DNAJB6: variants seen among roughly 807,000 people sequenced by gnomAD.
DNAJB6 encodes dnaJ homolog subfamily B member 6.
Under a neutral mutation model 42.7 loss-of-function variants are expected in DNAJB6, and 16 were observed. The ratio of observed to expected loss-of-function variants is 0.37; its 90% CI spans 0.25 to 0.57. DNAJB6 has a LOEUF of 0.57. DNAJB6 is among the 20% of genes least tolerant of loss of function. The pLI is 0.74. For missense variants in DNAJB6, 347 were observed against 416.8 expected (o/e 0.83, Z 1.46); for synonymous variants, 170 against 163.5 (o/e 1.04, Z -0.30).
At position 157,417,116 on chromosome 7, in the gene DNAJB6, C is replaced by T. The variant is rs552643388; in HGVS notation, c.*1018C>T. The stretch of plus-strand genomic sequence containing the variant: ...ACATGAGGATCTGCCGTTCATGTTG[C>T]TTTCTCCTTTGTCCTCTTGGACTTG... On this transcript the variant is annotated 3_prime_UTR_variant, in exon 10 of 10. Transcript: ENST00000262177. 1 of 152,380 alleles carries T rather than the reference C, an allele frequency of 6.6e-6. No individual in the cohort carries two copies. The highest frequency in any genetic ancestry group is 2.1e-4 in the South Asian group (1 of 4,826). 9.4% of individuals were successfully genotyped at this position (152,380 alleles called of 1,614,324 possible).
chr7:157,383,189 T>C (rs1202064390), intron 6 of DNAJB6, among the ~76,000 whole-genome samples: 1 of 152,152 alleles, frequency 6.6e-6, no homozygotes, highest in Non-Finnish European at 1.5e-5. Flanking sequence ...GTATTTTTAA[T>C]GGAGACAGGG....
chr7:157,366,508 A>G lies in DNAJB6; in HGVS notation c.182A>G (p.Lys61Arg), dbSNP rs1256908358. 2 of 1,613,950 alleles carry G rather than the reference A, an allele frequency of 1.2e-6. No individual in the cohort carries two copies. The highest frequency in any genetic ancestry group is 1.3e-5 in the African/African-American group (1 of 74,936). Residue 61 changes from lysine (K) to arginine (R), a missense_variant, in exon 4 of 10, where the codon AAA (lysine) becomes AGA (arginine). This residue lies in a region of DNAJB6 where 78 missense variants were observed against 102.1 expected (regional missense o/e 0.76). Coordinates refer to ENST00000262177, the MANE Select transcript of DNAJB6 (RefSeq NM_058246.4). The stretch of plus-strand genomic sequence containing the variant: ...CTTTTCTTTCAATTTTTAGCTAAGA[A>G]ACGGGACATCTATGACAAATATGGC... ...EAYEVLSDAK[K>R]RDIYDKYGKE...
chr7:157,398,385 CAAAG>C lies in DNAJB6; in HGVS notation c.692-11405_692-11402del, dbSNP rs201942284. 6.9e-3 allele frequency among the ~76,000 whole-genome samples: 1,050 copies of C among 152,324 alleles called. 13 individuals carry two copies. Among genetic ancestry groups the C allele is most frequent in the African/African-American group, 0.023 (949 of 41,572 alleles). ...ACCCCCCTCTCTCCCCAAAAAAAGT[CAAAG>C]AAAGGAGCAGTCTCCCCAGGGGCCT... On this transcript the variant is annotated intron_variant, in intron 8 of 9. Coordinates refer to ENST00000262177, the MANE Select transcript of DNAJB6 (RefSeq NM_058246.4).
intron 2 of DNAJB6, 74 bp downstream of exon 2, chr7:157,358,711 A>G (rs374641427): frequency 7.0e-5 from 85 of 1,215,418 alleles, no homozygotes; most frequent in African/African-American, 4.8e-4. Context: ...AACTTCTTCT[A>G]TTGCCTATGA....
Position 157,395,684 on chromosome 7 carries a change from C to CTTT in DNAJB6, c.691+10089_691+10091dup, listed in dbSNP as rs869242320. ...ACATTCATTCTACGTTTTTTCTTTT[C>CTTT]TTTTTTTTTTTTTTTTTTGAGACGG... On this transcript the variant is annotated intron_variant, in intron 8 of 9. Transcript: ENST00000262177. Among the ~76,000 whole-genome samples, 286 of 131,858 alleles carry CTTT rather than the reference C, an allele frequency of 2.2e-3. 4 individuals carry two copies. In the East Asian group the frequency reaches 0.048, roughly 22 times the overall value. 86.5% of individuals were successfully genotyped at this position (131,858 alleles called of 152,430 possible). A position where few individuals can be genotyped will look rare whatever the true frequency, so the allele number is the denominator to read the frequency against.
intron 8 of DNAJB6, among the ~76,000 whole-genome samples, chr7:157,393,035 G>A (rs886646883): frequency 1.3e-5 from 2 of 152,156 alleles, no homozygotes; most frequent in African/African-American, 4.8e-5. Context: ...GTGCAGTGGT[G>A]TGATCACGGC....
intron 5 of DNAJB6, among the ~76,000 whole-genome samples, chr7:157,375,884 A>G (rs767849451): frequency 2.0e-5 from 3 of 152,170 alleles, no homozygotes; most frequent in Non-Finnish European, 4.4e-5. Flanking sequence ...AGAGAGTGAC[A>G]TATTTTCCTT....
At chr7:157,394,408 G>A (rs1290720093) in intron 8 of DNAJB6, among the ~76,000 whole-genome samples, 1 of 152,138 alleles carries the variant, frequency 6.6e-6, no homozygotes, top group East Asian at 1.9e-4. Context: ...GCTCACGCCT[G>A]TATTCCAGCA....
intron 8 of DNAJB6, among the ~76,000 whole-genome samples, chr7:157,386,809 G>A (rs528253878): frequency 1.3e-5 from 2 of 152,078 alleles, no homozygotes; most frequent in East Asian, 3.9e-4. Context: ...GCTTGAACCC[G>A]GGAGGTGGAC....
At chr7:157,406,775 G>A (rs1795782017) in intron 8 of DNAJB6, among the ~76,000 whole-genome samples, 1 of 152,270 alleles carries the variant, frequency 6.6e-6, no homozygotes, top group Non-Finnish European at 1.5e-5. Context: ...ACGACACAGG[G>A]AGCTTTGGAC....
At chr7:157,357,535 TC>T (rs1182694385) in intron 1 of DNAJB6, among the ~76,000 whole-genome samples, 1 of 151,774 alleles carries the variant, frequency 6.6e-6, no homozygotes, top group East Asian at 1.9e-4. Context: ...GATCTCGAAC[TC>T]CTGACCTCAA....
intron 5 of DNAJB6, among the ~76,000 whole-genome samples, chr7:157,375,288 C>T (rs1486418952): frequency 6.6e-6 from 1 of 152,184 alleles, no homozygotes; most frequent in African/African-American, 2.4e-5. Context: ...GTGGTTTCTT[C>T]CCTGAGCAAT....
At chr7:157,378,660 T>A (rs576894357) in intron 5 of DNAJB6, 1 of 152,352 alleles carries the variant, frequency 6.6e-6, no homozygotes, top group East Asian at 1.9e-4. Context: ...CTCAGCAACT[T>A]AGTTCCACGT....
At chr7:157,413,783 C>A (rs1344740495) in intron 9 of DNAJB6, 6 of 139,176 alleles carry the variant, frequency 4.3e-5, no homozygotes, top group Admixed American at 4.0e-4. Context: ...AGTGCAGTGG[C>A]GTGATCTCGG....
At chr7:157,353,208 G>C (rs1304525250) in intron 1 of DNAJB6, among the ~76,000 whole-genome samples, 1 of 151,846 alleles carries the variant, frequency 6.6e-6, no homozygotes, top group Non-Finnish European at 1.5e-5. Context: ...GATTACAGGT[G>C]TGAGCTGCCG....
At chr7:157,355,171 T>C (rs954059492) in intron 1 of DNAJB6, among the ~76,000 whole-genome samples, 1 of 152,216 alleles carries the variant, frequency 6.6e-6, no homozygotes, top group African/African-American at 2.4e-5. Flanking sequence ...ATTTATTTAT[T>C]TTGAGATGGA....
chr7:157,364,118 A>T (rs909529273), intron 3 of DNAJB6, among the ~76,000 whole-genome samples: 14 of 150,886 alleles, frequency 9.3e-5, no homozygotes, highest in African/African-American at 3.4e-4. Context: ...TTTTTTTTTT[A>T]AAGAACCCAA....
At chr7:157,385,122 C>A in intron 7 of DNAJB6, 114 bp downstream of exon 7, 1 of 1,114,542 alleles carries the variant, frequency 9.0e-7, no homozygotes. Flanking sequence ...CTAAATCTGG[C>A]GCCATGAAAA....
At chr7:157,397,180 A>G (rs760476919) in intron 8 of DNAJB6, among the ~76,000 whole-genome samples, 10 of 152,198 alleles carry the variant, frequency 6.6e-5, no homozygotes, top group Non-Finnish European at 1.2e-4. Context: ...CCCCTTGAGG[A>G]GTAACCCGAG....
Sources: gnomAD v4.1 joint callset for allele counts (sites outside exome capture counted in the v4.1 genomes callset) on GRCh38, gnomAD v4.1.1 for gene constraint, gnomAD v4.1.1 regional missense constraint, MANE v1.5 for transcripts, NCBI Gene and HGNC (gene_info 2026-07-23, HGNC 2026-07-21) for gene names.